Variants in CNTNAP2 observed in about 807,000 individuals in gnomAD.
The protein encoded by CNTNAP2 is contactin associated protein 2.
CNTNAP2 carries 98 observed loss-of-function variants against 155.2 expected under a neutral mutation model. That is an observed-to-expected ratio of 0.63 (90% CI 0.54 to 0.75). CNTNAP2 has a LOEUF of 0.75. Among genes scored for constraint, CNTNAP2 ranks in the 30% least tolerant of loss-of-function variants. The probability of loss-of-function intolerance (pLI) is 0.00; values close to 1 mark genes in which losing one functional copy is unlikely to be tolerated. For missense variants in CNTNAP2, 1,727 were observed against 1,688.1 expected (o/e 1.02, Z -0.40); for synonymous variants, 651 against 631.2 (o/e 1.03, Z -0.47).
chr7:147,550,606 C>T (rs954585892), intron 11 of CNTNAP2, among the ~76,000 whole-genome samples: 2 of 152,082 alleles, frequency 1.3e-5, no homozygotes, highest in African/African-American at 2.4e-5. Context: ...AAGTCTCAAA[C>T]TGAAGTGAAG....
chr7:146,436,335 C>A (rs542328028), intron 1 of CNTNAP2, among the ~76,000 whole-genome samples: 2 of 152,214 alleles, frequency 1.3e-5, no homozygotes, highest in South Asian at 4.1e-4. Context: ...TTGCTATTAG[C>A]AGGCATGTTG....
chr7:147,198,645 T>TA (rs1401225072), intron 8 of CNTNAP2, among the ~76,000 whole-genome samples: 2 of 152,224 alleles, frequency 1.3e-5, no homozygotes, highest in Non-Finnish European at 2.9e-5. Context: ...AAACGAACTT[T>TA]AAATTTACTT....
chr7:148,146,380 A>G (rs1398298575), intron 16 of CNTNAP2, among the ~76,000 whole-genome samples: 2 of 152,256 alleles, frequency 1.3e-5, no homozygotes, highest in African/African-American at 4.8e-5. Context: ...GAAAAAATAT[A>G]CATTTAAAAA....
intron 12 of CNTNAP2, among the ~76,000 whole-genome samples, chr7:147,629,984 A>T (rs373156053): frequency 1.3e-5 from 2 of 152,108 alleles, no homozygotes; most frequent in East Asian, 1.9e-4. Flanking sequence ...ATCAGAACAG[A>T]ACTAAATGAA....
intron 13 of CNTNAP2, among the ~76,000 whole-genome samples, chr7:147,853,332 C>A (rs375813971): frequency 6.6e-6 from 1 of 152,136 alleles, no homozygotes; most frequent in Non-Finnish European, 1.5e-5. Flanking sequence ...AGAACTGTTA[C>A]GAAGGAAATG....
chr7:147,558,718 TTCCTTCCTTCCTTC>T (rs1799999521), intron 11 of CNTNAP2, among the ~76,000 whole-genome samples: 3 of 44,952 alleles, frequency 6.7e-5, no homozygotes, highest in African/African-American at 2.4e-4. Flanking sequence ...CCTTCCTTCC[TTCCTTCCTTCCTTC>T]CTTCCTTCCT....
rs1024012944 is a variant in CNTNAP2, at chr7:147,154,842, GA to G, written c.1348+22343del. Among the ~76,000 whole-genome samples the G allele has an allele frequency of 9.1e-4, 133 of 146,194 alleles. 1 individual carries two copies. The highest frequency in any genetic ancestry group is 2.2e-3 in the African/African-American group (86 of 39,910). On this transcript the variant is annotated intron_variant, in intron 8 of 23. Transcript: ENST00000361727. ...TATTTCTCTGATATAGTTTCTGATA[GA>G]AAAAAAAAAGAAACAAAAACATATA...
At chr7:147,196,594 A>G (rs1008171116) in intron 8 of CNTNAP2, among the ~76,000 whole-genome samples, 6 of 152,174 alleles carry the variant, frequency 3.9e-5, no homozygotes, top group Admixed American at 1.3e-4. Flanking sequence ...GAGTGCAAAC[A>G]TGCATCCCTG....
intron 1 of CNTNAP2, among the ~76,000 whole-genome samples, chr7:146,710,489 G>A (rs761067313): frequency 2.0e-5 from 3 of 152,112 alleles, no homozygotes; most frequent in Non-Finnish European, 2.9e-5. Context: ...TACCCAATAA[G>A]TAAAATCAAC....
intron 1 of CNTNAP2, among the ~76,000 whole-genome samples, chr7:146,669,863 C>T (rs945983585): frequency 1.4e-5 from 2 of 144,208 alleles, no homozygotes; most frequent in African/African-American, 5.1e-5. Flanking sequence ...CTAATTTAAC[C>T]GTTTTTTCAT....
At chr7:147,681,616 C>T (rs759823987) in intron 13 of CNTNAP2, among the ~76,000 whole-genome samples, 5 of 151,862 alleles carry the variant, frequency 3.3e-5, no homozygotes, top group Non-Finnish European at 7.4e-5. Context: ...TTTCTGAATT[C>T]GTGAAATTCA....
intron 9 of CNTNAP2, among the ~76,000 whole-genome samples, chr7:147,356,988 T>C (rs376824077): frequency 1.3e-5 from 2 of 152,112 alleles, no homozygotes; most frequent in African/African-American, 4.8e-5. Context: ...CTAATACCAC[T>C]TGAAATTATA....
At chr7:148,054,480 T>G (rs117014950) in intron 15 of CNTNAP2, among the ~76,000 whole-genome samples, 5,812 of 126,340 alleles carry the variant, frequency 0.046, 178 homozygotes, top group Non-Finnish European at 0.063. Context: ...TTTACAGAGC[T>G]GGATAATAAA....
At chr7:148,339,148 T>TA (rs1049695371) in intron 21 of CNTNAP2, among the ~76,000 whole-genome samples, 53 of 151,644 alleles carry the variant, frequency 3.5e-4, no homozygotes, top group Non-Finnish European at 6.2e-4. Flanking sequence ...ACACGAAGTG[T>TA]AAAAAAACTT....
intron 10 of CNTNAP2, among the ~76,000 whole-genome samples, chr7:147,407,299 T>C (rs1797021278): frequency 6.6e-6 from 1 of 151,466 alleles, no homozygotes; most frequent in Admixed American, 6.6e-5. Flanking sequence ...AAACCCCGTC[T>C]CTCCTAAAAA....
At chr7:147,300,435 C>T (rs1794926182) in intron 9 of CNTNAP2, 145 bp downstream of exon 9, 1 of 938,344 alleles carries the variant, frequency 1.1e-6, no homozygotes. Context: ...CTGAGCAAAA[C>T]AAAAAAAGAA....
chr7:146,505,061 C>G (rs538059963), intron 1 of CNTNAP2, among the ~76,000 whole-genome samples: 209 of 152,326 alleles, frequency 1.4e-3, no homozygotes, highest in African/African-American at 4.5e-3. Flanking sequence ...ACAGGTCAGC[C>G]AGGAAGCAAG....
chr7:146,135,784 A>G (rs753924011), intron 1 of CNTNAP2, among the ~76,000 whole-genome samples: 3 of 152,142 alleles, frequency 2.0e-5, no homozygotes, highest in Non-Finnish European at 2.9e-5. Context: ...TATGTAATTG[A>G]TAATATATTA....
intron 16 of CNTNAP2, among the ~76,000 whole-genome samples, chr7:148,126,720 G>A (rs187497364): frequency 6.6e-6 from 1 of 152,198 alleles, no homozygotes; most frequent in African/African-American, 2.4e-5. Flanking sequence ...TACTGTCCTG[G>A]GGTTCAAACA....
Sources: gnomAD v4.1 joint callset for allele counts (sites outside exome capture counted in the v4.1 genomes callset) on GRCh38, gnomAD v4.1.1 for gene constraint, MANE v1.5 for transcripts, NCBI Gene and HGNC (gene_info 2026-07-23, HGNC 2026-07-21) for gene names.